The following RNF168 variants were observed in gnomAD, a reference collection of about 807,000 sequenced individuals.
RNF168 encodes the protein ring finger protein 168.
In RNF168, 34 loss-of-function variants were observed where a neutral mutation model predicts 34.9. The ratio of observed to expected loss-of-function variants is 0.97; its 90% CI spans 0.74 to 1.30. RNF168 has a LOEUF of 1.30. Ranked by LOEUF, RNF168 falls within the 50% of genes most tolerant of loss-of-function variation. RNF168 has a pLI of 0.00. For synonymous variants in RNF168, 264 were observed against 254.7 expected (o/e 1.04, Z -0.35); for missense variants, 725 against 682.5 (o/e 1.06, Z -0.69).
Position 196,503,734 on chromosome 3 carries a change from AT to A in RNF168, c.-562del. The A allele has an allele frequency of 6.1e-6, 1 of 163,814 alleles. No individual in the cohort carries two copies. The highest frequency in any genetic ancestry group is 1.8e-4 in the East Asian group (1 of 5,690). The allele number at this position is 163,814 out of a possible 1,614,324, so 10.1% of individuals were successfully genotyped here. ...TCCCTCCTACGCAGCCAGAAACCCTATTCGTTGCGGCAGCGCAGCAGCCACC... is the reference window on the plus strand; with the variant it reads ...TCCCTCCTACGCAGCCAGAAACCCTATCGTTGCGGCAGCGCAGCAGCCACC... On this transcript the variant is annotated 5_prime_UTR_variant, in exon 1 of 6. Coordinates refer to ENST00000318037, the MANE Select transcript of RNF168 (RefSeq NM_152617.4).
At chr3:196,501,969 A>G (rs1732898495) in intron 1 of RNF168, among the ~76,000 whole-genome samples, 1 of 151,322 alleles carries the variant, frequency 6.6e-6, no homozygotes, top group Non-Finnish European at 1.5e-5. Context: ...ATTGTTTAAA[A>G]ATGTTTAAAA....
chr3:196,496,938 A>T (rs1171684324), intron 1 of RNF168, among the ~76,000 whole-genome samples: 1 of 152,162 alleles, frequency 6.6e-6, no homozygotes, highest in Non-Finnish European at 1.5e-5. Flanking sequence ...TGAGGTCAAG[A>T]GTTCGAGACC....
At chr3:196,494,607 C>T (rs1005010115) in intron 1 of RNF168, among the ~76,000 whole-genome samples, 45 of 152,136 alleles carry the variant, frequency 3.0e-4, no homozygotes, top group African/African-American at 1.1e-3. Context: ...GGGCTGGGCA[C>T]AGGGTACAAA....
In RNF168 at chr3:196,483,763, C is replaced by T. The variant is rs766232601; in HGVS notation, c.680+7G>A. 1 of 1,609,338 alleles carries T rather than the reference C, an allele frequency of 6.2e-7. No homozygotes were observed. Among genetic ancestry groups the T allele is most frequent in the Admixed American group, 1.7e-5 (1 of 60,012 alleles). On this transcript the variant is annotated splice_region_variant and intron_variant, in intron 4 of 5. Coordinates refer to ENST00000318037, the MANE Select transcript of RNF168 (RefSeq NM_152617.4). ...TCAACAAATAATTCATAGTCATGTT[C>T]ACTTACTTCTGAATATCTCCAGTGT...
At position 196,497,411 on chromosome 3, in the gene RNF168, C is replaced by T. The variant is rs377378544; in HGVS notation, c.301+5462G>A. Among the ~76,000 whole-genome samples the T allele has an allele frequency of 2.8e-3, 422 of 152,300 alleles. 23 individuals carry two copies. In the South Asian group the frequency reaches 0.071, roughly 26 times the overall value. ...AACTGGCCAGACACAGTGGCTCACA[C>T]CTGTAATCCTCGCACTTTGGGAGGC... On this transcript the variant is annotated intron_variant, in intron 1 of 5. Transcript: ENST00000318037.
intron 1 of RNF168, among the ~76,000 whole-genome samples, chr3:196,495,739 T>C (rs985819328): frequency 3.9e-5 from 6 of 152,224 alleles, no homozygotes; most frequent in African/African-American, 1.4e-4. Flanking sequence ...TCAGACTATA[T>C]GAGTCCTCCG....
intron 1 of RNF168, among the ~76,000 whole-genome samples, chr3:196,496,225 T>C (rs2108653969): frequency 6.6e-6 from 1 of 152,298 alleles, no homozygotes; most frequent in Middle Eastern, 3.4e-3. Flanking sequence ...GACTTGAAAA[T>C]ACAGCAATTT....
At chr3:196,495,877 T>C (rs953228865) in intron 1 of RNF168, among the ~76,000 whole-genome samples, 6 of 152,194 alleles carry the variant, frequency 3.9e-5, no homozygotes, top group Non-Finnish European at 5.9e-5. Context: ...TTCCCTACTA[T>C]AGGATTCTTT....
chr3:196,486,543 A>C (rs1560271643), intron 3 of RNF168, among the ~76,000 whole-genome samples: 2 of 152,168 alleles, frequency 1.3e-5, no homozygotes, highest in Non-Finnish European at 2.9e-5. Context: ...TTTGTTGCCC[A>C]GGCTGGTCTC....
In RNF168 at chr3:196,483,759, T is replaced by C. The variant is rs1311275317; in HGVS notation, c.680+11A>G. 4.4e-6 allele frequency: 7 copies of C among 1,608,432 alleles called. No homozygotes were observed. The highest frequency in any genetic ancestry group is 6.0e-6 in the Non-Finnish European group (7 of 1,174,984). ...GAGGTCAACAAATAATTCATAGTCA[T>C]GTTCACTTACTTCTGAATATCTCCA... On this transcript the variant is annotated intron_variant, in intron 4 of 5. Coordinates refer to ENST00000318037, the MANE Select transcript of RNF168 (RefSeq NM_152617.4).
Position 196,469,342 on chromosome 3 carries a change from A to C in RNF168, c.*2477T>G, listed in dbSNP as rs916368505. On this transcript the variant is annotated 3_prime_UTR_variant, in exon 6 of 6. Coordinates refer to ENST00000318037, the MANE Select transcript of RNF168 (RefSeq NM_152617.4). The stretch of plus-strand genomic sequence containing the variant: ...TAACTACAATCATTACTCAGAGGAC[A>C]ATCACCTTAAGAGGCAAATTAAGTT... The C allele has an allele frequency of 1.3e-5, 2 of 152,214 alleles. No homozygotes were observed. The highest frequency in any genetic ancestry group is 4.8e-5 in the African/African-American group (2 of 41,450). The allele number at this position is 152,214 out of a possible 1,614,324, so 9.4% of individuals were successfully genotyped here. A position where few individuals can be genotyped will look rare whatever the true frequency, so the allele number is the denominator to read the frequency against.
At chr3:196,488,230 C>G (rs1373379351) in intron 2 of RNF168, among the ~76,000 whole-genome samples, 1 of 152,150 alleles carries the variant, frequency 6.6e-6, no homozygotes, top group East Asian at 1.9e-4. Context: ...ACCTATAATC[C>G]CAGCACTTTG....
chr3:196,472,415 T>C lies in RNF168; in HGVS notation c.1120A>G (p.Asn374Asp), dbSNP rs373559011. Reference protein sequence around the residue: ...TNGNNTGETENEESCLLISKE... With the variant: ...TNGNNTGETEDEESCLLISKE... ...CTGATCAGTAGGCACGACTCTTCAT[T>C]TTCTGTCTCACCTGTGTTGTTTCCA... Residue 374 changes from asparagine to aspartate, a missense_variant, in exon 6 of 6, where the codon AAT becomes GAT. Asn to Asp is a conservative substitution (Grantham distance 23). Transcript: ENST00000318037. 3.1e-6 allele frequency: 5 copies of C among 1,613,542 alleles called. No individual in the cohort carries two copies. Among genetic ancestry groups the C allele is most frequent in the Non-Finnish European group, 3.4e-6 (4 of 1,179,848 alleles).
chr3:196,480,930 C>A (rs916662115), intron 4 of RNF168, among the ~76,000 whole-genome samples: 3 of 152,164 alleles, frequency 2.0e-5, no homozygotes, highest in Non-Finnish European at 4.4e-5. Flanking sequence ...TAGGCATGAG[C>A]CACCATGCTT....
intron 1 of RNF168, among the ~76,000 whole-genome samples, chr3:196,490,319 A>G (rs1732563238): frequency 6.6e-6 from 1 of 152,200 alleles, no homozygotes; most frequent in Non-Finnish European, 1.5e-5. Flanking sequence ...ATAAAGTGTA[A>G]AAAGGGAACA....
intron 3 of RNF168, among the ~76,000 whole-genome samples, chr3:196,486,704 G>C (rs1288067869): frequency 6.6e-6 from 1 of 152,226 alleles, no homozygotes; most frequent in Admixed American, 6.5e-5. Context: ...AATGGAAAAG[G>C]AACGGGAGTG....
At chr3:196,489,898 G>A (rs753998069) in intron 1 of RNF168, among the ~76,000 whole-genome samples, 1 of 152,160 alleles carries the variant, frequency 6.6e-6, no homozygotes, top group Non-Finnish European at 1.5e-5. Flanking sequence ...ATGGGTGCAG[G>A]TGCACACACG....
intron 1 of RNF168, among the ~76,000 whole-genome samples, chr3:196,500,845 G>T (rs1239832204): frequency 1.3e-5 from 2 of 151,648 alleles, no homozygotes; most frequent in African/African-American, 4.8e-5. Context: ...CCGAGTAGCT[G>T]GGACTACAGG....
Position 196,488,771 on chromosome 3 carries a change from A to G in RNF168, c.302-88T>C. Reference sequence around the variant, plus strand: ...TTCCATTAAAACGAAAAATTAAAATATACAACTATTAATAACTGCAGCAAT... The same window carrying G: ...TTCCATTAAAACGAAAAATTAAAATGTACAACTATTAATAACTGCAGCAAT... On this transcript the variant is annotated intron_variant, in intron 1 of 5. Transcript: ENST00000318037. 4.0e-6 allele frequency: 3 copies of G among 757,582 alleles called. No homozygotes were observed. In the South Asian group the frequency reaches 4.5e-5, roughly 11 times the overall value. The allele number at this position is 757,582 out of a possible 1,614,324, so 46.9% of individuals were successfully genotyped here.
Sources: allele counts gnomAD v4.1 joint callset (sites outside exome capture counted in the v4.1 genomes callset), GRCh38; gene constraint gnomAD v4.1.1; transcripts MANE v1.5; gene names NCBI Gene and HGNC (gene_info 2026-07-23, HGNC 2026-07-21).